Variants in PARD6G observed in about 807,000 individuals in gnomAD.
PARD6G encodes partitioning defective 6 homolog gamma.
In PARD6G, 7 loss-of-function variants were observed where a neutral mutation model predicts 10.7. That is an observed-to-expected ratio of 0.66 (90% CI 0.37 to 1.23). The LOEUF (loss-of-function observed/expected upper bound fraction) is 1.23, where lower values mean the gene tolerates loss of function less well. Among genes scored for constraint, PARD6G ranks in the 50% most tolerant of loss-of-function variants. The pLI, the probability that PARD6G is intolerant of heterozygous loss-of-function variation, is 0.02. For missense variants in PARD6G, 548 were observed against 571.8 expected, an observed-to-expected ratio of 0.96 and a Z score of 0.42; for synonymous variants, 287 against 269.4, an observed-to-expected ratio of 1.07 and a Z score of -0.64.
chr18:80,177,170 C>CACACAT (rs59702348), intron 2 of PARD6G, among the ~76,000 whole-genome samples: 105,102 of 125,550 alleles, frequency 0.84, 44,186 homozygotes, highest in Non-Finnish European at 0.87. Context: ...AAATGGGAAA[C>CACACAT]ACACATACAC....
chr18:80,230,847 A>G (rs1245911770), intron 1 of PARD6G, among the ~76,000 whole-genome samples: 1 of 152,198 alleles, frequency 6.6e-6, no homozygotes, highest in Non-Finnish European at 1.5e-5. Flanking sequence ...CTTTGTGTGC[A>G]TGCTCTCTGT....
Position 80,184,196 on chromosome 18 carries a change from AG to A in PARD6G, c.295+18513del, listed in dbSNP as rs1182655338. ...ACACTGGGCACCTCCCCCTAAGGTC[AG>A]GAACAAGACGAGGGTGTCCGCTCTT... On this transcript the variant is annotated intron_variant, in intron 2 of 2. Coordinates refer to ENST00000353265, the MANE Select transcript of PARD6G (RefSeq NM_032510.4). The surrounding 1 kb of genome is among the most constrained non-coding windows in gnomAD (Gnocchi z 4.5). 1 of 152,274 alleles carries A rather than the reference AG, an allele frequency of 6.6e-6. No individual in the cohort carries two copies. The highest frequency in any genetic ancestry group is 2.4e-5 in the African/African-American group (1 of 41,462). 9.4% of individuals were successfully genotyped at this position (152,274 alleles called of 1,614,324 possible).
Position 80,159,460 on chromosome 18 carries a change from CAA to C in PARD6G, c.*309_*310del. On this transcript the variant is annotated 3_prime_UTR_variant, in exon 3 of 3. Transcript: ENST00000353265. ...TAATTTTAAAGCTTCACTTTAAAAA[CAA>C]AGTATTTGTAAAAATTTTAAAAAGC... The C allele has an allele frequency of 3.5e-6, 1 of 287,308 alleles. No individual in the cohort carries two copies. The allele number at this position is 287,308 out of a possible 1,614,324, so 17.8% of individuals were successfully genotyped here.
intron 2 of PARD6G, among the ~76,000 whole-genome samples, chr18:80,193,770 G>A (rs909463834): frequency 6.6e-6 from 1 of 152,162 alleles, no homozygotes; most frequent in African/African-American, 2.4e-5. Context: ...AGTGCTGGCA[G>A]GAAGTACTGG....
At chr18:80,166,727 C>G (rs545276257) in intron 2 of PARD6G, among the ~76,000 whole-genome samples, 1 of 151,806 alleles carries the variant, frequency 6.6e-6, no homozygotes, top group South Asian at 2.1e-4. Context: ...CTCCCCATGT[C>G]CACCTTCCCG....
At chr18:80,214,615 G>T (rs1967143965) in intron 1 of PARD6G, among the ~76,000 whole-genome samples, 1 of 152,042 alleles carries the variant, frequency 6.6e-6, no homozygotes, top group South Asian at 2.1e-4. Context: ...GATTAGAGAT[G>T]GCAAAAGAAA....
intron 2 of PARD6G, among the ~76,000 whole-genome samples, chr18:80,162,840 C>G (rs114168498): frequency 1.2e-4 from 18 of 152,094 alleles, no homozygotes; most frequent in Admixed American, 1.2e-3. Context: ...CTCCTCTTCC[C>G]GTGATGAGGA....
intron 1 of PARD6G, among the ~76,000 whole-genome samples, chr18:80,235,034 C>G (rs1967403712): frequency 6.6e-6 from 1 of 152,098 alleles, no homozygotes; most frequent in Non-Finnish European, 1.5e-5. Context: ...GAACTCTCCA[C>G]CCCAAATCAA....
intron 2 of PARD6G, chr18:80,169,759 C>G (rs1387031186): frequency 2.0e-5 from 3 of 152,266 alleles, no homozygotes; most frequent in African/African-American, 7.2e-5. Flanking sequence ...AGAGCTCACG[C>G]ATCCGCCACA....
intron 1 of PARD6G, among the ~76,000 whole-genome samples, chr18:80,229,186 C>A (rs1419385632): frequency 6.6e-6 from 1 of 152,334 alleles, no homozygotes; most frequent in East Asian, 1.9e-4. Context: ...GATCCACCCA[C>A]CTCGGTCTCC....
intron 1 of PARD6G, among the ~76,000 whole-genome samples, chr18:80,234,607 A>C (rs1376372363): frequency 6.6e-6 from 1 of 152,112 alleles, no homozygotes; most frequent in African/African-American, 2.4e-5. Flanking sequence ...GCAGACTTGC[A>C]TCACTGAAAG....
At chr18:80,177,218 GCACACACA>G (rs35217634) in intron 2 of PARD6G, among the ~76,000 whole-genome samples, 5 of 98,784 alleles carry the variant, frequency 5.1e-5, no homozygotes, top group Non-Finnish European at 5.5e-5. Flanking sequence ...AATGGGAAGC[GCACACACA>G]CACACACACA....
At chr18:80,187,459 G>C (rs1207834891) in intron 2 of PARD6G, among the ~76,000 whole-genome samples, 1 of 152,224 alleles carries the variant, frequency 6.6e-6, no homozygotes, top group African/African-American at 2.4e-5. Context: ...CAGCAAGGGG[G>C]ACAACGCAGC....
Position 80,247,349 on chromosome 18 carries a change from G to T in PARD6G, c.-1C>A. On this transcript the variant is annotated 5_prime_UTR_variant, in exon 1 of 3. Transcript: ENST00000353265. This position sits in a 1 kb window ranked among gnomAD's most constrained non-coding sequence, Gnocchi z 4.2. Reference sequence around the variant, plus strand: ...GAGACTTGTGAAAACTTCGGTTCATGGTTTCGGCCCCGGTCAGCCTCGCCG... The same window carrying T: ...GAGACTTGTGAAAACTTCGGTTCATTGTTTCGGCCCCGGTCAGCCTCGCCG... 6.4e-7 allele frequency: 1 copy of T among 1,570,490 alleles called. No homozygotes were observed. Among genetic ancestry groups the T allele is most frequent in the Non-Finnish European group, 8.6e-7 (1 of 1,158,562 alleles).
chr18:80,202,738 G>C lies in PARD6G; in HGVS notation c.267C>G (p.Pro89=). 1 of 1,613,338 alleles carries C rather than the reference G, an allele frequency of 6.2e-7. No individual in the cohort carries two copies. The change falls in exon 2 of 3, where the codon CCC becomes CCG. Residue 89 remains proline, a synonymous_variant. Transcript: ENST00000353265. ...GTTTCTGGATGAAGACCCTGAGCAGGGGATTTGCACTAGAAACCGCCTTGC... is the reference window on the plus strand; with the variant it reads ...GTTTCTGGATGAAGACCCTGAGCAGCGGATTTGCACTAGAAACCGCCTTGC... The part of the protein sequence containing the change: ...NFCKAVSSAN[P]LLRVFIQKRE...
At chr18:80,215,028 A>T in intron 1 of PARD6G, among the ~76,000 whole-genome samples, 1 of 3,970 alleles carries the variant, frequency 2.5e-4, no homozygotes, top group South Asian at 4.5e-3. Context: ...CTTCTTGTTA[A>T]AAAAAAAAAA....
In PARD6G at chr18:80,161,612, C is replaced by G. The variant is rs1038298115; in HGVS notation, c.296-1006G>C. On this transcript the variant is annotated intron_variant, in intron 2 of 2. Coordinates refer to ENST00000353265, the MANE Select transcript of PARD6G (RefSeq NM_032510.4). The surrounding 1 kb of genome is among the most constrained non-coding windows in gnomAD (Gnocchi z 4.6). ...TAATTTTTATATGAAACCTCTTGTT[C>G]TTGACACACACGACTCTGTAAGACA... 6.6e-6 allele frequency: 1 copy of G among 152,014 alleles called. No individual in the cohort carries two copies. The highest frequency in any genetic ancestry group is 1.5e-5 in the Non-Finnish European group (1 of 68,006). 9.4% of individuals were successfully genotyped at this position (152,014 alleles called of 1,614,324 possible).
intron 2 of PARD6G, among the ~76,000 whole-genome samples, chr18:80,197,122 C>T (rs571688684): frequency 3.9e-5 from 6 of 152,198 alleles, no homozygotes; most frequent in African/African-American, 1.4e-4. Flanking sequence ...AGGCGGTGTC[C>T]GAGGAAAGAG....
At chr18:80,240,262 A>G (rs1175410775) in intron 1 of PARD6G, among the ~76,000 whole-genome samples, 1 of 152,236 alleles carries the variant, frequency 6.6e-6, no homozygotes, top group Non-Finnish European at 1.5e-5. Flanking sequence ...ACACTGCAAA[A>G]TATAATCATC....
Sources: allele counts gnomAD v4.1 joint callset (sites outside exome capture counted in the v4.1 genomes callset), GRCh38; gene constraint gnomAD v4.1.1; non-coding constraint Gnocchi (gnomAD v3.1); transcripts MANE v1.5; gene names NCBI Gene and HGNC (gene_info 2026-07-23, HGNC 2026-07-21).